Variants in CRYGA observed in about 807,000 individuals in gnomAD.
The protein encoded by CRYGA is crystallin gamma A.
In CRYGA, 11 loss-of-function variants were observed where a neutral mutation model predicts 13.8. That is an observed-to-expected ratio of 0.80 (90% CI 0.50 to 1.32). The LOEUF is 1.32. Ranked by LOEUF, CRYGA falls within the 40% of genes most tolerant of loss-of-function variation. The pLI, the probability that CRYGA is intolerant of heterozygous loss-of-function variation, is 0.00. For synonymous variants in CRYGA, 97 were observed against 89.3 expected (o/e 1.09, Z -0.48); for missense variants, 271 against 234.1 (o/e 1.16, Z -1.03).
intron 2 of CRYGA, among the ~76,000 whole-genome samples, chr2:208,161,654 T>C (rs1409754855): frequency 6.6e-6 from 1 of 152,230 alleles, no homozygotes; most frequent in Non-Finnish European, 1.5e-5. Flanking sequence ...GTGTTCTTTG[T>C]AAGCAATCAT....
At chr2:208,162,039 C>T (rs1481883382) in intron 2 of CRYGA, among the ~76,000 whole-genome samples, 2 of 152,088 alleles carry the variant, frequency 1.3e-5, no homozygotes, top group African/African-American at 2.4e-5. Flanking sequence ...TGGGTTCAAG[C>T]AATTCTCCTG....
chr2:208,161,143 C>A, intron 2 of CRYGA, 67 bp from the exon 3 acceptor site: 1 of 1,447,418 alleles, frequency 6.9e-7, no homozygotes, highest in Non-Finnish European at 9.6e-7. Flanking sequence ...ACGAAAGTGA[C>A]ACAATCAGTC....
rs893192027 is a variant in CRYGA, at chr2:208,163,324, C to T, written c.132G>A (p.Met44Ile). The T allele has an allele frequency of 6.2e-7, 1 of 1,613,910 alleles. No homozygotes were observed. The highest frequency in any genetic ancestry group is 1.3e-5 in the African/African-American group (1 of 74,870). Residue 44 changes from methionine (M) to isoleucine (I), a missense_variant, in exon 2 of 3, where the codon ATG becomes ATA. Coordinates refer to ENST00000304502, the MANE Select transcript of CRYGA (RefSeq NM_014617.4). Reference protein sequence around the residue: ...NSIRVDSGCWMLYERPNYQGH... With the variant: ...NSIRVDSGCWILYERPNYQGH... ...CCTGGTAATTGGGACGCTCATAGAG[C>T]ATCCAGCAGCCGCTGTCTACTCGGA...
At chr2:208,161,202 T>G in intron 2 of CRYGA, 126 bp from the exon 3 acceptor site, 1 of 933,434 alleles carries the variant, frequency 1.1e-6, no homozygotes, top group Non-Finnish European at 1.6e-6. Context: ...GATAAAGGTC[T>G]TGCTGTGTTG....
chr2:208,162,622 C>CTGAGGTGGGTGGAT (rs199579622), intron 2 of CRYGA, among the ~76,000 whole-genome samples: 4 of 100,062 alleles, frequency 4.0e-5, no homozygotes, highest in East Asian at 6.3e-4. Context: ...CTTTGGGAGG[C>CTGAGGTGGGTGGAT]CGAGGTCGGG....
intron 2 of CRYGA, among the ~76,000 whole-genome samples, chr2:208,162,152 G>C (rs1034581670): frequency 6.6e-6 from 1 of 152,060 alleles, no homozygotes; most frequent in Non-Finnish European, 1.5e-5. Context: ...GGCCAAGCTG[G>C]TCTTGAACTC....
chr2:208,160,815 C>G lies in CRYGA; in HGVS notation c.514G>C (p.Asp172His). 6.2e-7 allele frequency: 1 copy of G among 1,604,600 alleles called. No individual in the cohort carries two copies. Among genetic ancestry groups the G allele is most frequent in the Non-Finnish European group, 8.5e-7 (1 of 1,171,966 alleles). ...AKVGSLRRVTDLY is the reference protein window; with the variant it reads ...AKVGSLRRVTHLY The stretch of plus-strand genomic sequence containing the variant: ...AAGGCAGGCACAGCTTAGTACAAAT[C>G]GGTGACCCGTCTCAAAGAGCCGACT... The change falls in exon 3 of 3, where the codon GAT (aspartate) becomes CAT (histidine). Residue 172 changes from aspartate (D) to histidine (H), a missense_variant. Coordinates refer to ENST00000304502, the MANE Select transcript of CRYGA (RefSeq NM_014617.4).
chr2:208,161,135 G>C, intron 2 of CRYGA, 59 bp from the exon 3 acceptor site: 1 of 1,496,324 alleles, frequency 6.7e-7, no homozygotes, highest in Non-Finnish European at 9.2e-7. Context: ...GGGTGTCAAC[G>C]AAAGTGACAC....
chr2:208,161,132 A>ACTTTCGTTGAC, intron 2 of CRYGA, 56 bp from the exon 3 acceptor site: 1 of 1,530,814 alleles, frequency 6.5e-7, no homozygotes, highest in Non-Finnish European at 9.0e-7. Context: ...CTTGGGTGTC[A>ACTTTCGTTGAC]ACGAAAGTGA....
chr2:208,163,524 G>A, intron 1 of CRYGA, 24 bp downstream of exon 1: 3 of 1,611,340 alleles, frequency 1.9e-6, no homozygotes, highest in Non-Finnish European at 1.7e-6. Context: ...CAATAGACAT[G>A]GCACAGCACC....
Position 208,161,042 on chromosome 2 carries a change from T to C in CRYGA, c.287A>G (p.Asp96Gly), listed in dbSNP as rs1447074236. The change falls in exon 3 of 3, where the codon GAT (aspartate) becomes GGT (glycine). Residue 96 changes from aspartate (D) to glycine (G), a missense_variant. By Grantham distance (94) the Asp-to-Gly change is moderately conservative (BLOSUM62 -1). Coordinates refer to ENST00000304502, the MANE Select transcript of CRYGA (RefSeq NM_014617.4). ...SSHKLRLYER[D>G]DYRGLMSELT... ...CTCAGACATAAGGCCTCGGTAGTCA[T>C]CTCTCTCGTACAGCCTTAACTTGTG... 7 of 1,613,986 alleles carry C rather than the reference T, an allele frequency of 4.3e-6. No individual in the cohort carries two copies. The highest frequency in any genetic ancestry group is 3.3e-5 in the Admixed American group (2 of 59,996).
chr2:208,162,292 A>C (rs12994778), intron 2 of CRYGA, among the ~76,000 whole-genome samples: 63,706 of 152,032 alleles, frequency 0.42, 16,093 homozygotes, highest in Non-Finnish European at 0.57. Context: ...GCCAACAGAA[A>C]GTGTAAATAC....
intron 2 of CRYGA, among the ~76,000 whole-genome samples, chr2:208,161,960 C>T (rs1033897832): frequency 7.3e-5 from 11 of 151,468 alleles, no homozygotes; most frequent in South Asian, 2.1e-4. Context: ...TTTTTTTAGA[C>T]GAAGTCTCGC....
rs773791564 is a variant in CRYGA, at chr2:208,160,906, C to T, written c.423G>A (p.Gly141=). ...WVLYEMPNYR[G]RQYLLRPGDY... Reference sequence around the variant, plus strand: ...CCCCAGGCCTCAGCAGATACTGCCGCCCCCGGTAGTTGGGCATTTCATAGA... The same window carrying T: ...CCCCAGGCCTCAGCAGATACTGCCGTCCCCGGTAGTTGGGCATTTCATAGA... Residue 141 remains glycine (G), a synonymous_variant, in exon 3 of 3, where the codon GGG becomes GGA. Transcript: ENST00000304502. 1.2e-6 allele frequency: 2 copies of T among 1,612,136 alleles called. No individual in the cohort carries two copies. The highest frequency in any genetic ancestry group is 1.1e-5 in the South Asian group (1 of 91,022).
intron 2 of CRYGA, 77 bp from the exon 3 acceptor site, chr2:208,161,153 C>G (rs1695750903): frequency 7.3e-7 from 1 of 1,374,934 alleles, no homozygotes; most frequent in Non-Finnish European, 1.0e-6. Flanking sequence ...CACAATCAGT[C>G]TGCATCTTCA....
intron 2 of CRYGA, among the ~76,000 whole-genome samples, chr2:208,162,472 C>T (rs1252597256): frequency 6.6e-6 from 1 of 152,080 alleles, no homozygotes; most frequent in Non-Finnish European, 1.5e-5. Context: ...TCTAGTAAGT[C>T]CTAGAATGTA....
rs1282544281 is a variant in CRYGA at position 208,163,381 on chromosome 2, G to T, written c.75C>A (p.Asn25Lys). The stretch of plus-strand genomic sequence containing the variant: ...TGCAGCGGCTGAAGTAGACCCGCAG[G>T]TTGGGGCAGTCACTGATGCAATTGT... ...RCYNCISDCP[N>K]LRVYFSRCNS... is the part of the protein sequence containing the mutation. The change falls in exon 2 of 3, where the codon AAC (asparagine) becomes AAA (lysine). Residue 25 changes from asparagine (N) to lysine (K), a missense_variant. Physicochemically the swap from Asn to Lys is moderately conservative, Grantham distance 94 (BLOSUM62 0). Transcript: ENST00000304502. 6.2e-7 allele frequency: 1 copy of T among 1,613,844 alleles called. No homozygotes were observed. The highest frequency in any genetic ancestry group is 8.5e-7 in the Non-Finnish European group (1 of 1,179,992).
Position 208,162,287 on chromosome 2 carries a change from C to A in CRYGA, c.252+917G>T, listed in dbSNP as rs200677845. Among the ~76,000 whole-genome samples, 3 of 152,108 alleles carry A rather than the reference C, an allele frequency of 2.0e-5. No individual in the cohort carries two copies. In the East Asian group the frequency reaches 5.8e-4, roughly 29 times the overall value. On this transcript the variant is annotated intron_variant, in intron 2 of 2. Transcript: ENST00000304502. Reference sequence around the variant, plus strand: ...GTCACACTACATAATTTGGTGCCAACAGAAAGTGTAAATACATGCTGCACG... The same window carrying A: ...GTCACACTACATAATTTGGTGCCAAAAGAAAGTGTAAATACATGCTGCACG...
In CRYGA at chr2:208,163,280, C is replaced by T. The variant is rs767347878; in HGVS notation, c.176G>A (p.Arg59His). Residue 59 changes from arginine to histidine, a missense_variant, in exon 2 of 3, where the codon CGC becomes CAC. Transcript: ENST00000304502. Reference sequence around the variant, plus strand: ...CTGATAGTCGGGGTACTTGCCTCGGCGCAGGAAGTACTGGTGGCCCTGGTA... The same window carrying T: ...CTGATAGTCGGGGTACTTGCCTCGGTGCAGGAAGTACTGGTGGCCCTGGTA... ...PNYQGHQYFLRRGKYPDYQHW... is the reference protein window; with the variant it reads ...PNYQGHQYFLHRGKYPDYQHW... The T allele has an allele frequency of 1.5e-5, 25 of 1,613,800 alleles. No individual in the cohort carries two copies. The Admixed American group carries it at 3.2e-4, about 20-fold the overall frequency.
Sources: gnomAD v4.1 joint callset for allele counts (sites outside exome capture counted in the v4.1 genomes callset) on GRCh38, gnomAD v4.1.1 for gene constraint, MANE v1.5 for transcripts, NCBI Gene and HGNC (gene_info 2026-07-23, HGNC 2026-07-21) for gene names.